BPIFA3: variants seen among roughly 807,000 people sequenced by gnomAD.
The protein encoded by BPIFA3 is BPI fold-containing family A member 3.
Under a neutral mutation model 29.7 loss-of-function variants are expected in BPIFA3, and 32 were observed. The ratio of observed to expected loss-of-function variants is 1.08; its 90% CI spans 0.81 to 1.45. The LOEUF is 1.45. Ranked by LOEUF, BPIFA3 falls within the 40% of genes most tolerant of loss-of-function variation. The pLI, the probability that BPIFA3 is intolerant of heterozygous loss-of-function variation, is 0.00. For missense variants in BPIFA3, 323 were observed against 311.3 expected, an observed-to-expected ratio of 1.04 and a Z score of -0.28; for synonymous variants, 112 against 113.7, an observed-to-expected ratio of 0.98 and a Z score of 0.10.
intron 1 of BPIFA3, among the ~76,000 whole-genome samples, chr20:33,222,888 C>T (rs1033537240): frequency 6.6e-6 from 1 of 152,058 alleles, no homozygotes; most frequent in African/African-American, 2.4e-5. Flanking sequence ...CTGGTTTGTA[C>T]CCTCAGTGAC....
intron 1 of BPIFA3, among the ~76,000 whole-genome samples, 156 bp downstream of exon 1, chr20:33,217,819 G>A (rs1425568382): frequency 2.0e-5 from 3 of 152,244 alleles, no homozygotes; most frequent in Non-Finnish European, 4.4e-5. Flanking sequence ...TTGAGGTTGT[G>A]TTGATCATAT....
At position 33,226,975 on chromosome 20, in the gene BPIFA3, C is replaced by T. The variant is rs778857381; in HGVS notation, c.667C>T (p.Leu223=). The change falls in exon 6 of 7, where the codon CTG becomes TTG. Residue 223 remains leucine (L), a synonymous_variant. Transcript: ENST00000375454. ...GEILGQLDVK[L]LKSLIEQEAA... is the part of the protein sequence containing the mutation. ...AATCCTCGGGCAGCTGGATGTGAAA[C>T]TGTTGAAAAGCCTCATAGGTGAGTG... 89 of 1,614,022 alleles carry T rather than the reference C, an allele frequency of 5.5e-5. No individual in the cohort carries two copies. The South Asian group carries it at 9.6e-4, about 17-fold the overall frequency.
intron 4 of BPIFA3, 140 bp from the exon 5 acceptor site, chr20:33,226,266 T>A: frequency 1.5e-6 from 1 of 670,778 alleles, no homozygotes; most frequent in Non-Finnish European, 2.6e-6. Context: ...ACCCCTTTGA[T>A]GATCACTGAC....
intron 1 of BPIFA3, 178 bp from the exon 2 acceptor site, chr20:33,223,633 A>G (rs1985627565): frequency 4.5e-6 from 3 of 670,260 alleles, no homozygotes; most frequent in Non-Finnish European, 7.3e-6. Flanking sequence ...TCTCACATCA[A>G]TCTTGCAAAG....
chr20:33,224,272 G>A lies in BPIFA3; in HGVS notation c.279-83G>A, dbSNP rs1299930865. 25 of 1,137,876 alleles carry A rather than the reference G, an allele frequency of 2.2e-5. 1 individual carries two copies. Among genetic ancestry groups the A allele is most frequent in the Middle Eastern group, 4.3e-4 (2 of 4,660 alleles). 70.5% of individuals were successfully genotyped at this position (1,137,876 alleles called of 1,614,324 possible). A position where few individuals can be genotyped will look rare whatever the true frequency, so the allele number is the denominator to read the frequency against. On this transcript the variant is annotated intron_variant, in intron 2 of 6. Transcript: ENST00000375454. ...CCATTGCCAGGCCCTCTTTATAGTC[G>A]GACAGCCTTGTTTCTCAGCAGGAAG...
At chr20:33,223,756 C>G in intron 1 of BPIFA3, 55 bp from the exon 2 acceptor site, 1 of 1,569,748 alleles carries the variant, frequency 6.4e-7, no homozygotes, top group Non-Finnish European at 8.7e-7. Flanking sequence ...GAATCCCAAG[C>G]CCCCCACCTT....
At position 33,217,697 on chromosome 20, in the gene BPIFA3, C is replaced by T. The variant is rs199674659; in HGVS notation, c.127+34C>T. On this transcript the variant is annotated intron_variant, in intron 1 of 6. Transcript: ENST00000375454. ...AGCCCCGGGCTCTGCCTGCTGCCTACGGGGCTGGGGAGGTGGGAAGGTGCC... is the reference window on the plus strand; with the variant it reads ...AGCCCCGGGCTCTGCCTGCTGCCTATGGGGCTGGGGAGGTGGGAAGGTGCC... 53 of 1,600,104 alleles carry T rather than the reference C, an allele frequency of 3.3e-5. 1 individual carries two copies. In the East Asian group the frequency reaches 5.9e-4, roughly 18 times the overall value.
intron 1 of BPIFA3, among the ~76,000 whole-genome samples, chr20:33,221,714 G>T (rs1487546748): frequency 1.3e-5 from 2 of 152,002 alleles, no homozygotes; most frequent in Admixed American, 6.6e-5. Context: ...ATTTTTATTT[G>T]TTAAGAAATT....
At chr20:33,220,214 C>T (rs535343321) in intron 1 of BPIFA3, among the ~76,000 whole-genome samples, 5 of 151,666 alleles carry the variant, frequency 3.3e-5, no homozygotes, top group Non-Finnish European at 4.4e-5. Context: ...CTGGCTAACA[C>T]GGTGAAATCC....
In BPIFA3 at chr20:33,223,909, C is replaced by T. The variant is rs574453101; in HGVS notation, c.226C>T (p.Leu76=). ...TGCCTCAGCACAAGTGGCCCCAGGG[C>T]TGGTGGGCTGGCTAATCAGCGGCAG... ...LNASAQVAPG[L]VGWLISGRKH... is the part of the protein sequence containing the mutation. Residue 76 remains leucine (L), a synonymous_variant, in exon 2 of 7, where the codon CTG becomes TTG. Transcript: ENST00000375454. The T allele has an allele frequency of 1.2e-5, 20 of 1,614,220 alleles. No individual in the cohort carries two copies. The highest frequency in any genetic ancestry group is 5.0e-5 in the Admixed American group (3 of 60,028).
At chr20:33,220,688 ACTT>A (rs1440182400) in intron 1 of BPIFA3, among the ~76,000 whole-genome samples, 1 of 152,184 alleles carries the variant, frequency 6.6e-6, no homozygotes, top group Non-Finnish European at 1.5e-5. Context: ...AAAGCTGTTG[ACTT>A]CTTCTGATAT....
chr20:33,224,450 T>A lies in BPIFA3; in HGVS notation c.374T>A (p.Leu125His). The change falls in exon 3 of 7, where the codon CTT (leucine) becomes CAT (histidine). Residue 125 changes from leucine to histidine, a missense_variant. Transcript: ENST00000375454. The part of the protein sequence containing the change: ...FSANISLEFD[L>H]ELRPSFDNNI... ...GCAAATATCTCACTTGAATTTGACC[T>A]TGAATTGAGACCGTGAGTCATACAG... 5.6e-6 allele frequency: 9 copies of A among 1,612,796 alleles called. No individual in the cohort carries two copies. The highest frequency in any genetic ancestry group is 6.8e-6 in the Non-Finnish European group (8 of 1,178,760).
chr20:33,226,158 C>T (rs545913315), intron 4 of BPIFA3: 28 of 413,760 alleles, frequency 6.8e-5, no homozygotes, highest in South Asian at 2.8e-4. Flanking sequence ...CATGGGAGGA[C>T]GGTGTAAGGG....
rs770567542 is a variant in BPIFA3 at position 33,227,608 on chromosome 20, C to T, written c.756C>T (p.Ser252=). The change falls in exon 7 of 7, where the codon TCC becomes TCT. Residue 252 remains serine, a synonymous_variant. Coordinates refer to ENST00000375454, the MANE Select transcript of BPIFA3 (RefSeq NM_178466.5). ...SQPSACQAGE[S]PS Reference sequence around the variant, plus strand: ...CCTCTGCATGCCAGGCTGGAGAGTCCCCCAGCTGACTTCTGCTGATCAGAA... The same window carrying T: ...CCTCTGCATGCCAGGCTGGAGAGTCTCCCAGCTGACTTCTGCTGATCAGAA... 1.7e-5 allele frequency: 27 copies of T among 1,613,680 alleles called. No homozygotes were observed. The highest frequency in any genetic ancestry group is 2.7e-5 in the African/African-American group (2 of 74,872).
intron 1 of BPIFA3, among the ~76,000 whole-genome samples, chr20:33,223,172 T>C (rs758666047): frequency 9.9e-5 from 15 of 152,086 alleles, no homozygotes; most frequent in Non-Finnish European, 1.9e-4. Context: ...TGACAAAGGT[T>C]TCTGCTGCTC....
At chr20:33,222,232 A>G (rs186179492) in intron 1 of BPIFA3, among the ~76,000 whole-genome samples, 25 of 152,382 alleles carry the variant, frequency 1.6e-4, no homozygotes, top group Non-Finnish European at 2.6e-4. Context: ...CAGCTCTGCT[A>G]TCATCATGGT....
chr20:33,220,748 T>C (rs1010589476), intron 1 of BPIFA3, among the ~76,000 whole-genome samples: 1 of 152,252 alleles, frequency 6.6e-6, no homozygotes, highest in Non-Finnish European at 1.5e-5. Context: ...TTATTTATTC[T>C]GTAGGTTTTT....
At chr20:33,220,889 A>C (rs1194759066) in intron 1 of BPIFA3, among the ~76,000 whole-genome samples, 1 of 152,228 alleles carries the variant, frequency 6.6e-6, no homozygotes, top group Non-Finnish European at 1.5e-5. Flanking sequence ...AAATTAATCC[A>C]GAATTCCCCT....
chr20:33,220,463 G>A (rs921827778), intron 1 of BPIFA3, among the ~76,000 whole-genome samples: 7 of 151,902 alleles, frequency 4.6e-5, no homozygotes, highest in Non-Finnish European at 1.0e-4. Context: ...AAAGAGAGTT[G>A]ATATTTTAGA....
Sources: gnomAD v4.1 joint callset for allele counts (sites outside exome capture counted in the v4.1 genomes callset) on GRCh38, gnomAD v4.1.1 for gene constraint, MANE v1.5 for transcripts, NCBI Gene and HGNC (gene_info 2026-07-23, HGNC 2026-07-21) for gene names.